RTL4: variants seen among roughly 807,000 people sequenced by gnomAD.
RTL4 encodes the protein retrotransposon Gag like 4, also known as retrotransposon Gag-like protein 4.
Under a neutral mutation model 5.3 loss-of-function variants are expected in RTL4, and 4 were observed. That is an observed-to-expected ratio of 0.75 (90% CI 0.37 to 1.72). The LOEUF (loss-of-function observed/expected upper bound fraction) is 1.72, where lower values mean the gene tolerates loss of function less well. RTL4 is among the 40% of genes most tolerant of loss of function. The pLI is 0.04. For missense variants in RTL4, 260 were observed against 227.1 expected (o/e 1.14, Z -0.93); for synonymous variants, 98 against 87.3 (o/e 1.12, Z -0.68).
chrX:112,402,144 G>A, the RTL4 span, among the ~76,000 whole-genome samples: 4 of 111,687 alleles, frequency 3.6e-5, no homozygotes, highest in Non-Finnish European at 7.5e-5. Flanking sequence ...CAGAATATGC[G>A]GATGTCTTTA....
At chrX:112,084,097 C>G in the RTL4 span, among the ~76,000 whole-genome samples, 1 of 111,105 alleles carries the variant, frequency 9.0e-6, no homozygotes, top group Non-Finnish European at 1.9e-5. Context: ...TCTGCACGCC[C>G]TGGGAGCCTA....
the RTL4 span, among the ~76,000 whole-genome samples, chrX:112,135,442 A>G: frequency 6.3e-5 from 7 of 111,232 alleles, no homozygotes; most frequent in East Asian, 2.0e-3. Context: ...CATTTATTAG[A>G]TATACTTCGC....
the RTL4 span, among the ~76,000 whole-genome samples, chrX:112,400,427 T>C: frequency 2.7e-5 from 3 of 112,145 alleles, no homozygotes; most frequent in Non-Finnish European, 5.6e-5. Context: ...TTTTTTAGCA[T>C]GTCCAATCCT....
At chrX:112,302,042 C>T in the RTL4 span, among the ~76,000 whole-genome samples, 1,365 of 109,257 alleles carry the variant, frequency 0.012, 17 homozygotes, top group African/African-American at 0.042. Context: ...GGGTGGATCA[C>T]GAAGTCAAGA....
chrX:112,441,841 G>A, the RTL4 span, among the ~76,000 whole-genome samples: 1 of 112,123 alleles, frequency 8.9e-6, no homozygotes, highest in Non-Finnish European at 1.9e-5. Context: ...TACAAATGCA[G>A]CTTTATTTGT....
chrX:112,180,700 A>G, the RTL4 span, among the ~76,000 whole-genome samples: 1 of 112,054 alleles, frequency 8.9e-6, no homozygotes, highest in African/African-American at 3.2e-5. Context: ...CTCCTTAAAT[A>G]TAAGAGGAAT....
chrX:112,126,341 G>A, the RTL4 span, among the ~76,000 whole-genome samples: 1 of 112,178 alleles, frequency 8.9e-6, no homozygotes. Flanking sequence ...AATACTCTCT[G>A]GAGGAAAGTA....
chrX:112,278,166 G>A, the RTL4 span, among the ~76,000 whole-genome samples: 6 of 111,820 alleles, frequency 5.4e-5, no homozygotes, highest in Admixed American at 2.8e-4. Context: ...TTGTCTTATC[G>A]GACATTCACC....
chrX:112,236,648 C>T, the RTL4 span, among the ~76,000 whole-genome samples: 1 of 106,003 alleles, frequency 9.4e-6, no homozygotes, highest in East Asian at 3.0e-4. Flanking sequence ...AAATCAGGGC[C>T]AATATCAACA....
At chrX:112,437,613 G>A in the RTL4 span, among the ~76,000 whole-genome samples, 1 of 110,924 alleles carries the variant, frequency 9.0e-6, no homozygotes, top group African/African-American at 3.3e-5. Flanking sequence ...AATAGACTTG[G>A]GTTTGAATCT....
chrX:112,115,582 C>G, the RTL4 span, among the ~76,000 whole-genome samples: 3 of 111,424 alleles, frequency 2.7e-5, no homozygotes, highest in African/African-American at 9.8e-5. Context: ...TGGGAATAGC[C>G]TTTGTTAAGA....
the RTL4 span, among the ~76,000 whole-genome samples, chrX:112,164,298 A>G: frequency 8.9e-6 from 1 of 111,939 alleles, no homozygotes; most frequent in African/African-American, 3.3e-5. Context: ...CAGGTGTGTC[A>G]TCTACTGAGA....
chrX:112,431,337 T>G, the RTL4 span, among the ~76,000 whole-genome samples: 13 of 112,008 alleles, frequency 1.2e-4, no homozygotes, highest in Admixed American at 7.6e-4. Flanking sequence ...TTCATATTTC[T>G]TCTCTACCAG....
chrX:112,321,390 G>A, the RTL4 span, among the ~76,000 whole-genome samples: 2 of 109,750 alleles, frequency 1.8e-5, no homozygotes, highest in South Asian at 3.9e-4. Flanking sequence ...ACAAAAATTC[G>A]CTGGGTGTGG....
the RTL4 span, among the ~76,000 whole-genome samples, chrX:112,425,841 C>T: frequency 9.0e-6 from 1 of 111,600 alleles, no homozygotes; most frequent in South Asian, 3.7e-4. Flanking sequence ...AGTCCTTTAT[C>T]AGCTGTGCCT....
the RTL4 span, among the ~76,000 whole-genome samples, chrX:112,332,083 C>T: frequency 9.5e-6 from 1 of 104,820 alleles, no homozygotes; most frequent in African/African-American, 3.5e-5. Flanking sequence ...GGGTGCAGCA[C>T]ACCAGCATGG....
At chrX:112,153,384 G>A in the RTL4 span, among the ~76,000 whole-genome samples, 1 of 112,150 alleles carries the variant, frequency 8.9e-6, no homozygotes, top group Non-Finnish European at 1.9e-5. Context: ...ACTTTTAGCT[G>A]CCCAGAGTGA....
chrX:112,144,965 C>T, the RTL4 span, among the ~76,000 whole-genome samples: 1 of 111,404 alleles, frequency 9.0e-6, no homozygotes, highest in East Asian at 2.8e-4. Context: ...CATCAGCATG[C>T]TCTTCCCCTC....
the RTL4 span, among the ~76,000 whole-genome samples, chrX:112,083,968 G>A: frequency 1.8e-5 from 2 of 110,965 alleles, no homozygotes; most frequent in African/African-American, 6.6e-5. Flanking sequence ...AAAGGGGCAT[G>A]TGAGTCTCTG....
Sources: allele counts gnomAD v4.1 joint callset (sites outside exome capture counted in the v4.1 genomes callset), GRCh38; gene constraint gnomAD v4.1.1; transcripts MANE v1.5; gene names NCBI Gene and HGNC (gene_info 2026-07-23, HGNC 2026-07-21).